The following SVEP1 variants were observed in gnomAD, a reference collection of about 807,000 sequenced individuals.
The protein encoded by SVEP1 is sushi, von Willebrand factor type A, EGF and pentraxin domain containing 1, also known as sushi, von Willebrand factor type A, EGF and pentraxin domain-containing protein 1.
A neutral mutation model predicts 367.3 loss-of-function variants in SVEP1; 164 were observed. The observed-to-expected ratio is 0.45, with a 90% CI of 0.39 to 0.51. SVEP1 has a LOEUF of 0.51. Among genes scored for constraint, SVEP1 ranks in the 20% least tolerant of loss-of-function variants. The pLI is 0.00. For synonymous variants in SVEP1, 1,666 were observed against 1,611.6 expected (o/e 1.03, Z -0.81); for missense variants, 4,117 against 4,425.3 (o/e 0.93, Z 1.98).
At chr9:110,524,746 C>T (rs1277955534) in intron 3 of SVEP1, among the ~76,000 whole-genome samples, 1 of 150,340 alleles carries the variant, frequency 6.7e-6, no homozygotes, top group African/African-American at 2.5e-5. Flanking sequence ...GGGTCTCACT[C>T]TGTCACCCAT....
intron 1 of SVEP1, among the ~76,000 whole-genome samples, chr9:110,576,490 A>G (rs1299573578): frequency 1.3e-5 from 2 of 152,154 alleles, no homozygotes; most frequent in African/African-American, 2.4e-5. Context: ...CTATGTACCA[A>G]ACTATGACGG....
chr9:110,507,497 A>T (rs1423638637), intron 5 of SVEP1, among the ~76,000 whole-genome samples: 1 of 152,200 alleles, frequency 6.6e-6, no homozygotes, highest in East Asian at 1.9e-4. Flanking sequence ...TTTAGGATCC[A>T]TTACTCCTTA....
rs1054346479 is a variant in SVEP1, at chr9:110,406,176, T to G, written c.9424A>C (p.Ser3142Arg). 6.4e-6 allele frequency: 10 copies of G among 1,573,516 alleles called. No homozygotes were observed. In the African/African-American group the frequency reaches 1.2e-4, roughly 19 times the overall value. The change falls in exon 38 of 48, where the codon AGT (serine) becomes CGT (arginine). Residue 3142 changes from serine to arginine, a missense_variant. By Grantham distance (110) the Ser-to-Arg change is moderately radical. Around this residue, in one of 4 missense-constraint regions of SVEP1, gnomAD observed 1,765 missense variants for 1,781.1 expected, o/e 0.99. Transcript: ENST00000374469. ...TGATCTTACCTGAGTTTCACTTCAC[T>G]TTCATAGGTGTGTGCCTCTCCAGTT... ...VATGEAHTYE[S>R]EVKLRCLEGY...
intron 3 of SVEP1, among the ~76,000 whole-genome samples, chr9:110,523,666 T>C (rs997030721): frequency 1.3e-5 from 2 of 152,048 alleles, no homozygotes; most frequent in African/African-American, 4.8e-5. Context: ...TGTGCAAACA[T>C]TAATGAAAGG....
intron 3 of SVEP1, among the ~76,000 whole-genome samples, chr9:110,538,454 C>T (rs1216202765): frequency 6.6e-6 from 1 of 152,010 alleles, no homozygotes; most frequent in Non-Finnish European, 1.5e-5. Flanking sequence ...ATTTCTAGAG[C>T]TCTTTGTCCT....
intron 1 of SVEP1, among the ~76,000 whole-genome samples, chr9:110,572,393 C>T (rs1296704955): frequency 6.6e-6 from 1 of 152,168 alleles, no homozygotes; most frequent in Non-Finnish European, 1.5e-5. Flanking sequence ...CAGAATATAA[C>T]ACTGGCAGCC....
At chr9:110,471,343 G>T (rs916264678) in intron 16 of SVEP1, 21 bp downstream of exon 16, 3 of 1,600,186 alleles carry the variant, frequency 1.9e-6, no homozygotes, top group East Asian at 4.5e-5. Flanking sequence ...AAATATTTTT[G>T]ATCACAGGGA....
chr9:110,503,820 G>T (rs191040352), intron 5 of SVEP1, among the ~76,000 whole-genome samples: 2 of 152,122 alleles, frequency 1.3e-5, no homozygotes, highest in African/African-American at 4.8e-5. Flanking sequence ...TACGAATCTT[G>T]ACTTATGCAT....
chr9:110,434,871 C>T (rs1828410261), intron 29 of SVEP1, among the ~76,000 whole-genome samples: 1 of 151,736 alleles, frequency 6.6e-6, no homozygotes, highest in South Asian at 2.1e-4. Flanking sequence ...CATCGCTTTT[C>T]TCCCTGTGCT....
In SVEP1 at chr9:110,451,404, T is replaced by A; in HGVS notation, c.3788-2A>T. On this transcript the variant is annotated splice_acceptor_variant, in intron 22 of 47. Coordinates refer to ENST00000374469, the MANE Select transcript of SVEP1 (RefSeq NM_153366.4). LOFTEE classifies it high-confidence loss of function. ...TTATATTTTCTTCACACCGCTGACC[T>A]GCAAAGAATCATTCATCTTTGAGCT... 1 of 1,608,308 alleles carries A rather than the reference T, an allele frequency of 6.2e-7. No individual in the cohort carries two copies. Among genetic ancestry groups the A allele is most frequent in the Non-Finnish European group, 8.5e-7 (1 of 1,176,236 alleles).
At chr9:110,475,996 G>A in intron 14 of SVEP1, 1 of 429,218 alleles carries the variant, frequency 2.3e-6, no homozygotes, top group Non-Finnish European at 4.1e-6. Flanking sequence ...AAGAATCCTG[G>A]CAAATAATTT....
chr9:110,423,184 G>GAAAAAAAAAAAAAAAAA (rs1404736217), intron 36 of SVEP1, among the ~76,000 whole-genome samples: 2 of 91,018 alleles, frequency 2.2e-5, no homozygotes, highest in Non-Finnish European at 4.5e-5. Flanking sequence ...AAAAAAAAAA[G>GAAAAAAAAAAAAAAAAA]AAAAAAAAAA....
chr9:110,444,813 T>G (rs1409823937), intron 26 of SVEP1, among the ~76,000 whole-genome samples: 1 of 152,238 alleles, frequency 6.6e-6, no homozygotes, highest in Admixed American at 6.5e-5. Context: ...GTTTCTCTCC[T>G]TATTCAAGGA....
chr9:110,439,404 T>C (rs1314581166), intron 27 of SVEP1, among the ~76,000 whole-genome samples: 1 of 152,092 alleles, frequency 6.6e-6, no homozygotes, highest in African/African-American at 2.4e-5. Flanking sequence ...TTATTTTTTT[T>C]ATTTTTGAGG....
chr9:110,431,022 G>T (rs1828342638), intron 32 of SVEP1, among the ~76,000 whole-genome samples: 1 of 152,172 alleles, frequency 6.6e-6, no homozygotes, highest in African/African-American at 2.4e-5. Flanking sequence ...CTCAAAACGG[G>T]AGGATATATT....
At chr9:110,444,915 A>G (rs146565555) in intron 26 of SVEP1, among the ~76,000 whole-genome samples, 50 of 152,306 alleles carry the variant, frequency 3.3e-4, no homozygotes, top group South Asian at 1.0e-3. Flanking sequence ...CAAGTACATT[A>G]AGAAGAATAG....
rs1288236624 is a variant in SVEP1, at chr9:110,455,703, C to T, written c.3674G>A (p.Gly1225Asp). Reference protein sequence around the residue: ...YVCLCPLGYTGLKCETDIDEC... With the variant: ...YVCLCPLGYTDLKCETDIDEC... ...ATCGATGTCTGTTTCACACTTTAAG[C>T]CTACAATGTAAACCAAATGCTGAGG... Residue 1225 changes from glycine (G) to aspartate (D), a missense_variant and splice_region_variant, in exon 22 of 48, where the codon GGC becomes GAC. Coordinates refer to ENST00000374469, the MANE Select transcript of SVEP1 (RefSeq NM_153366.4). 4 of 1,607,818 alleles carry T rather than the reference C, an allele frequency of 2.5e-6. No individual in the cohort carries two copies. The African/African-American group carries it at 5.3e-5, about 22-fold the overall frequency.
rs1340780915 is a variant in SVEP1 at position 110,472,335 on chromosome 9, G to A, written c.2600-12C>T. On this transcript the variant is annotated splice_polypyrimidine_tract_variant and intron_variant, in intron 14 of 47. Transcript: ENST00000374469. ...CCAGCCACCTGGTCCTGGATAGTCGGGGCAGAGACACAAATGATCACACAG... is the reference window on the plus strand; with the variant it reads ...CCAGCCACCTGGTCCTGGATAGTCGAGGCAGAGACACAAATGATCACACAG... 6.5e-7 allele frequency: 1 copy of A among 1,549,036 alleles called. No individual in the cohort carries two copies. The highest frequency in any genetic ancestry group is 8.7e-7 in the Non-Finnish European group (1 of 1,151,148).
Position 110,528,150 on chromosome 9 carries a change from G to A in SVEP1, c.965-14044C>T, listed in dbSNP as rs1424009466. 7.1e-3 allele frequency among the ~76,000 whole-genome samples: 301 copies of A among 42,664 alleles called. 1 individual carries two copies. Among genetic ancestry groups the A allele is most frequent in the African/African-American group, 0.027 (278 of 10,212 alleles). The allele number at this position is 42,664 out of a possible 152,430, so 28.0% of individuals were successfully genotyped here. A position where few individuals can be genotyped will look rare whatever the true frequency, so the allele number is the denominator to read the frequency against. Reference sequence around the variant, plus strand: ...TACACACGTGTGTGTGTGTGTGTGTGTGTGTGTATATATATATATATATAT... The same window carrying A: ...TACACACGTGTGTGTGTGTGTGTGTATGTGTGTATATATATATATATATAT... On this transcript the variant is annotated intron_variant, in intron 3 of 47. Transcript: ENST00000374469.
Sources: gnomAD v4.1 joint callset for allele counts (sites outside exome capture counted in the v4.1 genomes callset) on GRCh38, gnomAD v4.1.1 for gene constraint, gnomAD v4.1.1 regional missense constraint, MANE v1.5 for transcripts, NCBI Gene and HGNC (gene_info 2026-07-23, HGNC 2026-07-21) for gene names.